CDH18: variants seen among roughly 807,000 people sequenced by gnomAD.
CDH18 encodes the protein cadherin 18.
A neutral mutation model predicts 67.9 loss-of-function variants in CDH18; 31 were observed. The observed-to-expected ratio is 0.46, with a 90% CI of 0.34 to 0.62. The LOEUF (loss-of-function observed/expected upper bound fraction) is 0.62. Ranked by LOEUF, CDH18 falls within the 20% of genes least tolerant of loss-of-function variation. The probability of loss-of-function intolerance (pLI) is 0.01; values close to 1 mark genes in which losing one functional copy is unlikely to be tolerated. For synonymous variants in CDH18, 362 were observed against 347.2 expected (o/e 1.04, Z -0.48); for missense variants, 890 against 975.5 (o/e 0.91, Z 1.17).
At chr5:20,204,689 A>C (rs1244750213) in intron 2 of CDH18, among the ~76,000 whole-genome samples, 1 of 152,064 alleles carries the variant, frequency 6.6e-6, no homozygotes, top group African/African-American at 2.4e-5. Context: ...GAGTAGCTAC[A>C]GTAACCTGTT....
At chr5:19,853,969 T>G (rs997612575) in intron 2 of CDH18, among the ~76,000 whole-genome samples, 3 of 152,136 alleles carry the variant, frequency 2.0e-5, no homozygotes, top group African/African-American at 7.2e-5. Context: ...GGAAAATGTC[T>G]ACGTGGCACA....
intron 1 of CDH18, among the ~76,000 whole-genome samples, chr5:20,419,172 C>T (rs1747608501): frequency 6.6e-6 from 1 of 152,074 alleles, no homozygotes; most frequent in Non-Finnish European, 1.5e-5. Context: ...GGGGTTTCCG[C>T]TTTTGCTTCT....
chr5:20,519,159 G>A (rs1476040082), intron 1 of CDH18, among the ~76,000 whole-genome samples: 2 of 152,068 alleles, frequency 1.3e-5, no homozygotes, highest in Non-Finnish European at 2.9e-5. Context: ...AAAACTTTCT[G>A]TGATATCTGA....
Position 19,702,099 on chromosome 5 carries a change from G to A in CDH18, c.643+19248C>T, listed in dbSNP as rs144338266. 7.2e-4 allele frequency among the ~76,000 whole-genome samples: 108 copies of A among 150,232 alleles called. 1 individual carries two copies. In the South Asian group the frequency reaches 0.01, roughly 14 times the overall value. ...ACGGTGCACTCAGTCCTGTGTTGCC[G>A]AAGCTCCCCGCTACACTCTTCTGCA... On this transcript the variant is annotated intron_variant, in intron 5 of 12. Coordinates refer to ENST00000382275, the MANE Select transcript of CDH18 (RefSeq NM_004934.5).
intron 5 of CDH18, among the ~76,000 whole-genome samples, chr5:19,612,964 C>T (rs1749234887): frequency 1.3e-5 from 2 of 151,768 alleles, no homozygotes; most frequent in African/African-American, 4.8e-5. Context: ...TATGGTGAAA[C>T]CCCGTCTCTA....
chr5:20,211,231 G>A (rs1017265934), intron 2 of CDH18, among the ~76,000 whole-genome samples: 1 of 152,122 alleles, frequency 6.6e-6, no homozygotes, highest in Non-Finnish European at 1.5e-5. Context: ...GCTGAGGCTT[G>A]AATAGGTAAA....
chr5:20,201,857 A>T (rs776233646), intron 2 of CDH18, among the ~76,000 whole-genome samples: 1 of 152,196 alleles, frequency 6.6e-6, no homozygotes, highest in South Asian at 2.1e-4. Flanking sequence ...GGGGACAATT[A>T]AACTGCTAGC....
intron 2 of CDH18, among the ~76,000 whole-genome samples, chr5:20,232,362 A>C (rs748280336): frequency 6.6e-6 from 1 of 152,168 alleles, no homozygotes; most frequent in Non-Finnish European, 1.5e-5. Flanking sequence ...CTTATTTGAA[A>C]TAAACATAAC....
chr5:20,171,229 TACTC>T (rs1736684767), intron 2 of CDH18, among the ~76,000 whole-genome samples: 1 of 152,124 alleles, frequency 6.6e-6, no homozygotes, highest in South Asian at 2.1e-4. Context: ...TTTGGGTACA[TACTC>T]AATAATGGGA....
intron 2 of CDH18, among the ~76,000 whole-genome samples, chr5:20,028,341 G>T (rs1327830060): frequency 2.6e-5 from 4 of 152,002 alleles, no homozygotes; most frequent in Admixed American, 2.0e-4. Flanking sequence ...AATTAACAAA[G>T]ATAACACCGA....
At position 20,110,519 on chromosome 5, in the gene CDH18, C is replaced by G. The variant is rs192401254; in HGVS notation, c.-517-118505G>C. Among the ~76,000 whole-genome samples, 101 of 152,194 alleles carry G rather than the reference C, an allele frequency of 6.6e-4. 1 individual carries two copies. Among genetic ancestry groups the G allele is most frequent in the Admixed American group, 5.3e-3 (81 of 15,280 alleles). On this transcript the variant is annotated intron_variant, in intron 2 of 14. Coordinates refer to the CDH18 transcript ENST00000507958. ...CCAACATGGTGAAACCCTATCACTA[C>G]TAAAAATACAAAAAATTAGCCGGGT...
chr5:19,948,627 C>T (rs944034349), intron 2 of CDH18, among the ~76,000 whole-genome samples: 1 of 152,024 alleles, frequency 6.6e-6, no homozygotes, highest in Non-Finnish European at 1.5e-5. Context: ...GACAAAGTTG[C>T]ATAGAACTAT....
intron 1 of CDH18, among the ~76,000 whole-genome samples, chr5:20,427,351 G>T (rs1340406287): frequency 1.3e-5 from 2 of 151,218 alleles, no homozygotes; most frequent in African/African-American, 4.9e-5. Context: ...TTTGAAGACA[G>T]CCAGGGCTAA....
intron 5 of CDH18, among the ~76,000 whole-genome samples, chr5:19,643,391 T>C (rs562994395): frequency 1.3e-5 from 2 of 152,264 alleles, no homozygotes; most frequent in African/African-American, 4.8e-5. Flanking sequence ...CCCATGTTCA[T>C]TGTAGCGTAA....
intron 1 of CDH18, among the ~76,000 whole-genome samples, chr5:20,360,968 G>A (rs1273229312): frequency 6.6e-6 from 1 of 151,818 alleles, no homozygotes; most frequent in Non-Finnish European, 1.5e-5. Context: ...TCAACCATAA[G>A]TGATTTTATT....
rs1580468819 is a variant in CDH18 at position 19,608,655 on chromosome 5, C to T, written c.811+3779G>A. 4.0e-5 allele frequency among the ~76,000 whole-genome samples: 6 copies of T among 151,830 alleles called. No individual in the cohort carries two copies. The South Asian group carries it at 1.2e-3, about 31-fold the overall frequency. On this transcript the variant is annotated intron_variant, in intron 6 of 12. Coordinates refer to ENST00000382275, the MANE Select transcript of CDH18 (RefSeq NM_004934.5). ...ATTGAATTTTTAGAGCTTGATCCTC[C>T]AATATTACATGGCACTAAACCAACT...
At chr5:19,998,601 T>C (rs1271815763) in intron 2 of CDH18, among the ~76,000 whole-genome samples, 2 of 152,158 alleles carry the variant, frequency 1.3e-5, no homozygotes, top group Admixed American at 6.5e-5. Flanking sequence ...TATATAATTG[T>C]TCAATATCTG....
intron 5 of CDH18, among the ~76,000 whole-genome samples, chr5:19,699,632 G>GTGTGTGTC (rs57586115): frequency 0.33 from 43,081 of 131,670 alleles, 7,491 homozygotes; most frequent in Middle Eastern, 0.48. Flanking sequence ...GTGTGTGTGT[G>GTGTGTGTC]TGTGTGTGTC....
chr5:20,107,258 G>A (rs920810485), intron 2 of CDH18, among the ~76,000 whole-genome samples: 4 of 151,824 alleles, frequency 2.6e-5, no homozygotes, highest in African/African-American at 9.7e-5. Context: ...TTTTTTAGTA[G>A]AGACACGGGG....
Sources: allele counts gnomAD v4.1 joint callset (sites outside exome capture counted in the v4.1 genomes callset), GRCh38; gene constraint gnomAD v4.1.1; transcripts MANE v1.5; gene names NCBI Gene and HGNC (gene_info 2026-07-23, HGNC 2026-07-21).